SNTG2: variants seen among roughly 807,000 people sequenced by gnomAD.
SNTG2 encodes gamma-2-syntrophin.
In SNTG2, 74 loss-of-function variants were observed where a neutral mutation model predicts 70.9. That is an observed-to-expected ratio of 1.04 (90% CI 0.86 to 1.27). The LOEUF is 1.27. Among genes scored for constraint, SNTG2 ranks in the 50% most tolerant of loss-of-function variants. The pLI, the probability that SNTG2 is intolerant of heterozygous loss-of-function variation, is 0.00. For synonymous variants in SNTG2, 278 were observed against 273.8 expected (o/e 1.02, Z -0.15); for missense variants, 717 against 690.7 (o/e 1.04, Z -0.43).
At chr2:1,182,700 G>A (rs1671996772) in intron 8 of SNTG2, among the ~76,000 whole-genome samples, 1 of 152,148 alleles carries the variant, frequency 6.6e-6, no homozygotes, top group Non-Finnish European at 1.5e-5. Context: ...GTCGAGGATA[G>A]CATGTCTCTA....
chr2:1,299,198 C>T (rs192716358), intron 14 of SNTG2, among the ~76,000 whole-genome samples: 287 of 152,354 alleles, frequency 1.9e-3, no homozygotes, highest in East Asian at 7.7e-3. Flanking sequence ...CTTTCCGGGC[C>T]GTGGAAACAC....
chr2:1,339,517 A>G (rs1659979799), intron 16 of SNTG2, among the ~76,000 whole-genome samples: 1 of 152,190 alleles, frequency 6.6e-6, no homozygotes, highest in African/African-American at 2.4e-5. Context: ...CAGTTCTCAC[A>G]TTGATAGAAG....
At chr2:1,256,985 A>T (rs1163456258) in intron 12 of SNTG2, among the ~76,000 whole-genome samples, 1 of 151,170 alleles carries the variant, frequency 6.6e-6, no homozygotes, top group East Asian at 1.9e-4. Context: ...TAATTAATAC[A>T]CTTGTTTTTT....
intron 14 of SNTG2, among the ~76,000 whole-genome samples, chr2:1,284,984 T>C (rs550422245): frequency 6.6e-6 from 1 of 151,366 alleles, no homozygotes; most frequent in Non-Finnish European, 1.5e-5. Flanking sequence ...TATATATATG[T>C]ATATATGGGA....
At chr2:1,191,247 T>C (rs1672575584) in intron 8 of SNTG2, among the ~76,000 whole-genome samples, 1 of 152,234 alleles carries the variant, frequency 6.6e-6, no homozygotes, top group Non-Finnish European at 1.5e-5. Context: ...TAGGCATTCC[T>C]CTATCCAGCT....
rs535020893 is a variant in SNTG2 at position 1,287,388 on chromosome 2, C to T, written c.1284+19817C>T. Among the ~76,000 whole-genome samples the T allele has an allele frequency of 1.7e-4, 26 of 152,256 alleles. No individual in the cohort carries two copies. The South Asian group carries it at 2.1e-3, about 12-fold the overall frequency. ...AGTGAAGTTGGAGGCTGGGTGAGTCCGGCAGCCTTTCCTTCTCACCTCACC... is the reference window on the plus strand; with the variant it reads ...AGTGAAGTTGGAGGCTGGGTGAGTCTGGCAGCCTTTCCTTCTCACCTCACC... On this transcript the variant is annotated intron_variant, in intron 14 of 16. Transcript: ENST00000308624.
chr2:1,195,996 A>C (rs539817299), intron 8 of SNTG2, among the ~76,000 whole-genome samples: 2 of 152,312 alleles, frequency 1.3e-5, no homozygotes, highest in East Asian at 3.9e-4. Flanking sequence ...ACAGTATATA[A>C]TAGTTTGAGT....
rs538055574 is a variant in SNTG2, at chr2:1,302,855, A to G, written c.1285-5639A>G. ...CAAGAGTAGCCCTATTATCAGATAA[A>G]GGAGACTTCAGAGAAAATAAAATTA... On this transcript the variant is annotated intron_variant, in intron 14 of 16. Coordinates refer to ENST00000308624, the MANE Select transcript of SNTG2 (RefSeq NM_018968.4). Among the ~76,000 whole-genome samples, 9 of 152,318 alleles carry G rather than the reference A, an allele frequency of 5.9e-5. 1 individual carries two copies. The highest frequency in any genetic ancestry group is 3.4e-3 in the Middle Eastern group (1 of 294).
At chr2:1,161,779 A>G (rs4971399) in intron 6 of SNTG2, 127,142 of 152,080 alleles carry the variant, frequency 0.84, 53,584 homozygotes, top group Middle Eastern at 0.92. Flanking sequence ...ATCTTTAATT[A>G]AAAGTGCTCG....
chr2:966,729 G>A (rs1660579491), intron 1 of SNTG2, among the ~76,000 whole-genome samples: 1 of 152,172 alleles, frequency 6.6e-6, no homozygotes, highest in Admixed American at 6.5e-5. Flanking sequence ...GGTGGATTAT[G>A]AGGTCAGGGG....
intron 7 of SNTG2, among the ~76,000 whole-genome samples, chr2:1,166,208 T>C (rs1572623205): frequency 6.6e-6 from 1 of 152,190 alleles, no homozygotes; most frequent in East Asian, 1.9e-4. Context: ...GTCACCACCG[T>C]TCCTTTGATT....
intron 1 of SNTG2, among the ~76,000 whole-genome samples, chr2:1,076,075 C>T (rs1663896210): frequency 6.6e-6 from 1 of 152,212 alleles, no homozygotes; most frequent in East Asian, 1.9e-4. Flanking sequence ...TTATGTTCTA[C>T]ATATGACTAA....
At chr2:1,129,539 C>T (rs995851269) in intron 4 of SNTG2, among the ~76,000 whole-genome samples, 17 of 152,328 alleles carry the variant, frequency 1.1e-4, no homozygotes, top group Middle Eastern at 3.4e-3. Flanking sequence ...AGAGCCAAAC[C>T]ATAAAGTCAA....
intron 4 of SNTG2, among the ~76,000 whole-genome samples, chr2:1,115,954 C>G (rs1325735963): frequency 6.6e-6 from 1 of 152,250 alleles, no homozygotes; most frequent in Admixed American, 6.5e-5. Context: ...GCCTGCCCTC[C>G]AGGACCTTGG....
intron 1 of SNTG2, among the ~76,000 whole-genome samples, chr2:998,460 G>A (rs4128910): frequency 0.46 from 69,721 of 151,424 alleles, 16,531 homozygotes; most frequent in Middle Eastern, 0.6. Context: ...ATTAAAAGAA[G>A]CAAATAAACA....
chr2:1,066,486 G>A (rs1283640935), intron 1 of SNTG2, among the ~76,000 whole-genome samples: 1 of 151,804 alleles, frequency 6.6e-6, no homozygotes, highest in Non-Finnish European at 1.5e-5. Context: ...GATTTTGCCG[G>A]GATTCAGAAA....
intron 8 of SNTG2, among the ~76,000 whole-genome samples, chr2:1,177,741 T>C (rs1671579840): frequency 6.6e-6 from 1 of 151,880 alleles, no homozygotes; most frequent in Admixed American, 6.6e-5. Flanking sequence ...TTTAAATTTA[T>C]TTTTTTTGAA....
intron 14 of SNTG2, among the ~76,000 whole-genome samples, chr2:1,276,094 T>C (rs928614619): frequency 6.6e-6 from 1 of 152,208 alleles, no homozygotes. Flanking sequence ...TCATGAAGTT[T>C]AAGGAAAGAA....
intron 9 of SNTG2, among the ~76,000 whole-genome samples, chr2:1,235,583 A>C (rs1383657583): frequency 6.0e-5 from 2 of 33,344 alleles, no homozygotes; most frequent in Non-Finnish European, 1.0e-4. Flanking sequence ...GAGAGGGGGG[A>C]CCCCTGCCCC....
Sources: gnomAD v4.1 joint callset for allele counts (sites outside exome capture counted in the v4.1 genomes callset) on GRCh38, gnomAD v4.1.1 for gene constraint, MANE v1.5 for transcripts, NCBI Gene and HGNC (gene_info 2026-07-23, HGNC 2026-07-21) for gene names.